SPTB: variants seen among roughly 807,000 people sequenced by gnomAD.
SPTB encodes the protein spectrin beta chain, erythrocytic.
Under a neutral mutation model 256.2 loss-of-function variants are expected in SPTB, and 45 were observed. That is an observed-to-expected ratio of 0.18 (90% CI 0.14 to 0.23). SPTB has a LOEUF of 0.23. Among genes scored for constraint, SPTB ranks in the 10% least tolerant of loss-of-function variants. The probability of loss-of-function intolerance (pLI) is 1.00; values close to 1 mark genes in which losing one functional copy is unlikely to be tolerated. For synonymous variants in SPTB, 1,231 were observed against 1,243.1 expected (o/e 0.99, Z 0.21); for missense variants, 2,715 against 3,040.4 (o/e 0.89, Z 2.52).
chr14:64,834,513 C>T (rs558550860), intron 1 of SPTB, among the ~76,000 whole-genome samples: 1 of 151,994 alleles, frequency 6.6e-6, no homozygotes, highest in South Asian at 2.1e-4. Flanking sequence ...GCAATCCCTG[C>T]CTCCCAGGCT....
intron 2 of SPTB, among the ~76,000 whole-genome samples, chr14:64,805,543 C>T (rs1285561417): frequency 1.3e-5 from 2 of 152,154 alleles, no homozygotes; most frequent in African/African-American, 2.4e-5. Context: ...ATAAATGGCG[C>T]TTGGGTTGGG....
At chr14:64,877,702 T>C (rs1363077207) in intron 1 of SPTB, among the ~76,000 whole-genome samples, 1 of 152,224 alleles carries the variant, frequency 6.6e-6, no homozygotes, top group Non-Finnish European at 1.5e-5. Context: ...TAAAAGCTAT[T>C]ATTATTTACC....
intron 1 of SPTB, among the ~76,000 whole-genome samples, chr14:64,864,825 T>C (rs1265420832): frequency 6.6e-6 from 1 of 152,106 alleles, no homozygotes; most frequent in Non-Finnish European, 1.5e-5. Context: ...TTATAGAAGA[T>C]GAAGAAGGAG....
chr14:64,779,716 C>T lies in SPTB; in HGVS notation c.4473+9G>A. The T allele has an allele frequency of 6.2e-7, 1 of 1,614,082 alleles. No homozygotes were observed. Among genetic ancestry groups the T allele is most frequent in the Non-Finnish European group, 8.5e-7 (1 of 1,180,006 alleles). On this transcript the variant is annotated intron_variant, in intron 21 of 35. Coordinates refer to ENST00000644917, the MANE Select transcript of SPTB (RefSeq NM_001355436.2). This position sits in a 1 kb window ranked among gnomAD's most constrained non-coding sequence, Gnocchi z 4.2. ...CTCAGGAGGTAGGGAGAAGCTGTGGCCCACGCACCGTCTCATCCTCTAAGT... is the reference window on the plus strand; with the variant it reads ...CTCAGGAGGTAGGGAGAAGCTGTGGTCCACGCACCGTCTCATCCTCTAAGT...
intron 31 of SPTB, 61 bp from the exon 32 acceptor site, chr14:64,766,862 G>C (rs969776893): frequency 8.8e-6 from 14 of 1,590,304 alleles, no homozygotes; most frequent in Non-Finnish European, 1.1e-5. Flanking sequence ...TGCCTCCTGC[G>C]AGGCCTGGCT....
chr14:64,749,749 G>C lies in SPTB; in HGVS notation c.6777-53C>G. ...GGAGACACCTCTGGAGGGGGCGCTG[G>C]GCAGAGGGCTGGCTCTGATCCCACA... On this transcript the variant is annotated intron_variant, in intron 34 of 35. Transcript: ENST00000644917. The surrounding 1 kb of genome is among the most constrained non-coding windows in gnomAD (Gnocchi z 4.7). 6.3e-7 allele frequency: 1 copy of C among 1,599,398 alleles called. No homozygotes were observed. The highest frequency in any genetic ancestry group is 1.3e-5 in the African/African-American group (1 of 74,570).
intron 33 of SPTB, among the ~76,000 whole-genome samples, chr14:64,751,916 T>C (rs1310327201): frequency 2.3e-5 from 2 of 86,516 alleles, no homozygotes; most frequent in Non-Finnish European, 5.0e-5. Flanking sequence ...ACCCCATTTC[T>C]ACTAAAAATG....
Position 64,802,918 on chromosome 14 carries a change from C to T in SPTB, c.475-601G>A, listed in dbSNP as rs2082914181. Among the ~76,000 whole-genome samples the T allele has an allele frequency of 6.6e-6, 1 of 152,220 alleles. No individual in the cohort carries two copies. Among genetic ancestry groups the T allele is most frequent in the African/African-American group, 2.4e-5 (1 of 41,460 alleles). ...TTGAGGCTGTGGAACAACATGAATGCTGATGAGTACTATACTTTCATTAGC... is the reference window on the plus strand; with the variant it reads ...TTGAGGCTGTGGAACAACATGAATGTTGATGAGTACTATACTTTCATTAGC... On this transcript the variant is annotated intron_variant, in intron 4 of 35. Transcript: ENST00000644917. This position sits in a 1 kb window ranked among gnomAD's most constrained non-coding sequence, Gnocchi z 5.1.
intron 24 of SPTB, among the ~76,000 whole-genome samples, 171 bp from the exon 25 acceptor site, chr14:64,773,595 C>A (rs1422950545): frequency 6.6e-6 from 1 of 152,182 alleles, no homozygotes; most frequent in South Asian, 2.1e-4. Context: ...AGAGAAGGGG[C>A]CACACCCTAG....
rs117837530 is a variant in SPTB at position 64,805,330 on chromosome 14, G to A, written c.149-240C>T. The stretch of plus-strand genomic sequence containing the variant: ...GCACTGCCACCATATTCTATGCACA[G>A]TATCAGGACACCTCTAATTCAGCAT... On this transcript the variant is annotated intron_variant, in intron 2 of 35. Transcript: ENST00000644917. Among the ~76,000 whole-genome samples, 1,009 of 152,298 alleles carry A rather than the reference G, an allele frequency of 6.6e-3. 4 individuals carry two copies. The highest frequency in any genetic ancestry group is 0.012 in the Non-Finnish European group (788 of 68,026).
rs1393216223 is a variant in SPTB, at chr14:64,816,754, G to A, written c.148+6193C>T. Among the ~76,000 whole-genome samples the A allele has an allele frequency of 6.6e-6, 1 of 152,152 alleles. No individual in the cohort carries two copies. Among genetic ancestry groups the A allele is most frequent in the Non-Finnish European group, 1.5e-5 (1 of 68,028 alleles). Reference sequence around the variant, plus strand: ...CTGTCTCAGTGACATGTTATAAAGGGAAAATGGAAAATTGCTACAGATGCT... The same window carrying A: ...CTGTCTCAGTGACATGTTATAAAGGAAAAATGGAAAATTGCTACAGATGCT... On this transcript the variant is annotated intron_variant, in intron 2 of 35. Coordinates refer to ENST00000644917, the MANE Select transcript of SPTB (RefSeq NM_001355436.2). The surrounding 1 kb of genome is among the most constrained non-coding windows in gnomAD (Gnocchi z 4.2).
rs1455535245 is a variant in SPTB, at chr14:64,764,133, C to T, written c.6345+2593G>A. Among the ~76,000 whole-genome samples the T allele has an allele frequency of 1.3e-5, 2 of 152,234 alleles. No homozygotes were observed. The highest frequency in any genetic ancestry group is 4.8e-5 in the African/African-American group (2 of 41,464). On this transcript the variant is annotated intron_variant, in intron 32 of 35. Transcript: ENST00000644917. The surrounding 1 kb of genome is among the most constrained non-coding windows in gnomAD (Gnocchi z 4.2). ...AGCCACCATCCCCCAGGACTATCCC[C>T]AAGGGGAGGCGCAGCCATTGGCCAT...
rs772400164 is a variant in SPTB at position 64,773,444 on chromosome 14, A to G, written c.4974-20T>C. 2 of 1,612,250 alleles carry G rather than the reference A, an allele frequency of 1.2e-6. No homozygotes were observed. The highest frequency in any genetic ancestry group is 1.7e-6 in the Non-Finnish European group (2 of 1,179,926). ...TGTTCCCTGGAATTCAAAACCAAAA[A>G]GGCCCTCAGAGACGGCAGCCACGAA... On this transcript the variant is annotated intron_variant, in intron 24 of 35. Coordinates refer to ENST00000644917, the MANE Select transcript of SPTB (RefSeq NM_001355436.2).
chr14:64,762,536 G>A (rs923600087), intron 32 of SPTB, among the ~76,000 whole-genome samples: 6 of 152,220 alleles, frequency 3.9e-5, no homozygotes, highest in South Asian at 4.1e-4. Flanking sequence ...AGCGCCTCAC[G>A]TTCGTAAGTG....
rs371440636 is a variant in SPTB, at chr14:64,753,777, G to A, written c.6362C>T (p.Thr2121Met). Reference protein sequence around the residue: ...ERTSPGEEEGTWPQNLQQPPP... With the variant: ...ERTSPGEEEGMWPQNLQQPPP... ...TGGCTGCTGCAGGTTCTGAGGCCAC[G>A]TTCCCTCTTCTTCCCCCTGCTCAGG... Residue 2121 changes from threonine (T) to methionine (M), a missense_variant, in exon 33 of 36, where the codon ACG becomes ATG. This residue lies in a region of SPTB where 2,239 missense variants were observed against 2,384.4 expected (regional missense o/e 0.94). Transcript: ENST00000644917. The A allele has an allele frequency of 9.9e-6, 16 of 1,613,114 alleles. No homozygotes were observed. Among genetic ancestry groups the A allele is most frequent in the East Asian group, 4.5e-5 (2 of 44,894 alleles).
At position 64,767,216 on chromosome 14, in the gene SPTB, G is replaced by A. The variant is rs1188884479; in HGVS notation, c.6269+87C>T. On this transcript the variant is annotated intron_variant, in intron 31 of 35. Transcript: ENST00000644917. Reference sequence around the variant, plus strand: ...CAGTGTGAGAAGTCAAATGCAACTGGTCCCAATGTCAGGTTTCTGATGAAA... The same window carrying A: ...CAGTGTGAGAAGTCAAATGCAACTGATCCCAATGTCAGGTTTCTGATGAAA... 4 of 1,543,910 alleles carry A rather than the reference G, an allele frequency of 2.6e-6. No homozygotes were observed. The African/African-American group carries it at 5.5e-5, about 21-fold the overall frequency.
In SPTB at chr14:64,758,171, T is replaced by G. The variant is rs2082042205; in HGVS notation, c.6346-4378A>C. On this transcript the variant is annotated intron_variant, in intron 32 of 35. Coordinates refer to ENST00000644917, the MANE Select transcript of SPTB (RefSeq NM_001355436.2). The surrounding 1 kb of genome is among the most constrained non-coding windows in gnomAD (Gnocchi z 4.6). ...CTATCCACCCCTGCCTCCCTGGGGC[T>G]TTGCCGAGCAATTATTGTGGCCAGT... is the stretch of plus-strand genomic sequence containing the variant. Among the ~76,000 whole-genome samples the G allele has an allele frequency of 6.6e-6, 1 of 152,202 alleles. No homozygotes were observed. The highest frequency in any genetic ancestry group is 6.5e-5 in the Admixed American group (1 of 15,276).
intron 1 of SPTB, among the ~76,000 whole-genome samples, chr14:64,854,186 C>T (rs768460215): frequency 2.6e-4 from 39 of 151,140 alleles, no homozygotes; most frequent in African/African-American, 8.3e-4. Flanking sequence ...AGTGAGACTC[C>T]GCCTCAAAAC....
Position 64,773,006 on chromosome 14 carries a change from G to A in SPTB, c.5179-52C>T, listed in dbSNP as rs117958012. On this transcript the variant is annotated intron_variant, in intron 25 of 35. Transcript: ENST00000644917. ...GTTATGGGGGGCACAGGGGTTACAG[G>A]TGTCACCAGCTTAGCCAAAGACTTT... 1.6e-3 allele frequency: 2,507 copies of A among 1,584,424 alleles called. 2 individuals carry two copies. The highest frequency in any genetic ancestry group is 2.5e-3 in the Admixed American group (150 of 59,060).
Sources: gnomAD v4.1 joint callset for allele counts (sites outside exome capture counted in the v4.1 genomes callset) on GRCh38, gnomAD v4.1.1 for gene constraint, gnomAD v4.1.1 regional missense constraint, Gnocchi (gnomAD v3.1) non-coding constraint, MANE v1.5 for transcripts, NCBI Gene and HGNC (gene_info 2026-07-23, HGNC 2026-07-21) for gene names.